The following MMP28 variants were observed in gnomAD, a reference collection of about 807,000 sequenced individuals.
The protein encoded by MMP28 is matrix metallopeptidase 28.
A neutral mutation model predicts 60.5 loss-of-function variants in MMP28; 55 were observed. That is an observed-to-expected ratio of 0.91 (90% CI 0.73 to 1.14). MMP28 has a LOEUF of 1.14. Ranked by LOEUF, MMP28 falls within the 50% of genes most tolerant of loss-of-function variation. The pLI is 0.00. For synonymous variants in MMP28, 318 were observed against 312.5 expected (o/e 1.02, Z -0.18); for missense variants, 686 against 738.3 (o/e 0.93, Z 0.82).
At chr17:35,770,847 C>A (rs1044079062) in intron 4 of MMP28, among the ~76,000 whole-genome samples, 3 of 151,294 alleles carry the variant, frequency 2.0e-5, no homozygotes, top group Non-Finnish European at 4.4e-5. Context: ...CCCAGGAGTT[C>A]GAGACCAGCC....
chr17:35,778,915 T>C lies in MMP28; in HGVS notation c.352A>G (p.Arg118Gly), dbSNP rs762050128. The C allele has an allele frequency of 6.2e-6, 10 of 1,614,064 alleles. No homozygotes were observed. Among genetic ancestry groups the C allele is most frequent in the Non-Finnish European group, 8.5e-6 (10 of 1,179,902 alleles). Reference sequence around the variant, plus strand: ...TGCTTTGCAAAGCGTTTCTTACGCCTCATTTTGGTCCGGTGTCTAGCAAAC... The same window carrying C: ...TGCTTTGCAAAGCGTTTCTTACGCCCCATTTTGGTCCGGTGTCTAGCAAAC... ...DLFARHRTKM[R>G]RKKRFAKQGN... The change falls in exon 3 of 8, where the codon AGG becomes GGG. Residue 118 changes from arginine (R) to glycine (G), a missense_variant. Coordinates refer to ENST00000605424, the MANE Select transcript of MMP28 (RefSeq NM_024302.5).
At chr17:35,792,307 C>T (rs77663515) in intron 1 of MMP28, among the ~76,000 whole-genome samples, 3,250 of 152,180 alleles carry the variant, frequency 0.021, 67 homozygotes, top group East Asian at 0.11. Flanking sequence ...CTCTTCTCCC[C>T]GCTCCCAACA....
chr17:35,773,053 T>C, intron 4 of MMP28, 127 bp downstream of exon 4: 1 of 755,348 alleles, frequency 1.3e-6, no homozygotes, highest in East Asian at 2.7e-5. Flanking sequence ...AGACTGAGGG[T>C]TCTCTGCAGG....
intron 1 of MMP28, among the ~76,000 whole-genome samples, chr17:35,788,066 T>C (rs1362452174): frequency 6.6e-6 from 1 of 151,862 alleles, no homozygotes; most frequent in Non-Finnish European, 1.5e-5. Context: ...CCATCGTGCC[T>C]GGCTAATTTT....
intron 4 of MMP28, among the ~76,000 whole-genome samples, chr17:35,772,148 C>G (rs1243739134): frequency 3.9e-5 from 6 of 152,110 alleles, no homozygotes; most frequent in Non-Finnish European, 7.3e-5. Context: ...GAATATGTCT[C>G]CAGCTGTTTC....
rs1555604891 is a variant in MMP28, at chr17:35,770,136, A to G, written c.781T>C (p.Tyr261His). The G allele has an allele frequency of 4.4e-6, 7 of 1,607,564 alleles. No individual in the cohort carries two copies. Among genetic ancestry groups the G allele is most frequent in the Non-Finnish European group, 5.1e-6 (6 of 1,177,786 alleles). The part of the protein sequence containing the change: ...SPAPRALMAP[Y>H]YKRLGRDALL... ...GCGTCGCGGCCCAGCCTCTTGTAGT[A>G]GGGCGCCATGAGCGCGCGCGGCGCG... Residue 261 changes from tyrosine (Y) to histidine (H), a missense_variant, in exon 5 of 8, where the codon TAC becomes CAC. Transcript: ENST00000605424.
At chr17:35,763,634 C>G (rs1555601957), downstream of MMP28, among the ~76,000 whole-genome samples, 2 of 151,678 alleles carry the variant, frequency 1.3e-5, no homozygotes, top group Admixed American at 6.6e-5. Context: ...CAGTGACTCA[C>G]GCCTGTAATC....
In MMP28 at chr17:35,770,185, GTGACCGATCTCGTGCGCCAGCAC is replaced by G; in HGVS notation, c.709_731del (p.Val237HisfsTer58). 6.2e-7 allele frequency: 1 copy of G among 1,605,902 alleles called. No homozygotes were observed. Among genetic ancestry groups the G allele is most frequent in the Non-Finnish European group, 8.5e-7 (1 of 1,178,396 alleles). ...CGGGCGAGTGGGTGAGGCCAAGCGT[GTGACCGATCTCGTGCGCCAGCAC>G]CACGAACAGGTTGCGCCCGCGGCGG... is the stretch of plus-strand genomic sequence containing the variant. On this transcript the variant is annotated frameshift_variant, in exon 5 of 8. Coordinates refer to ENST00000605424, the MANE Select transcript of MMP28 (RefSeq NM_024302.5). LOFTEE classifies it high-confidence loss of function.
chr17:35,759,625 C>T (rs1052077431), intron 2 of MMP28, among the ~76,000 whole-genome samples: 6 of 152,178 alleles, frequency 3.9e-5, no homozygotes, highest in East Asian at 1.9e-4. Flanking sequence ...TGCTTGAACC[C>T]GGGAGGCAGA....
In MMP28 at chr17:35,766,115, A is replaced by C; in HGVS notation, c.*385T>G. 1 of 1,012,864 alleles carries C rather than the reference A, an allele frequency of 9.9e-7. No individual in the cohort carries two copies. 62.7% of individuals were successfully genotyped at this position (1,012,864 alleles called of 1,614,324 possible). A position where few individuals can be genotyped will look rare whatever the true frequency, so the allele number is the denominator to read the frequency against. On this transcript the variant is annotated 3_prime_UTR_variant, in exon 8 of 8. Transcript: ENST00000605424. This position sits in a 1 kb window ranked among gnomAD's most constrained non-coding sequence, Gnocchi z 4.3. The stretch of plus-strand genomic sequence containing the variant: ...CCTGAGGAGAAGGGCACAGTCTTGC[A>C]AAATGGTCTCGAATTTCTCTGCTGA...
At chr17:35,763,976 A>T (rs2143109056), downstream of MMP28, 1 of 1,462,998 alleles carries the variant, frequency 6.8e-7, no homozygotes, top group Non-Finnish European at 9.1e-7. Context: ...CGGGGACAGC[A>T]GGACTGCCCT....
downstream of MMP28, among the ~76,000 whole-genome samples, chr17:35,762,437 G>A (rs78474170): frequency 0.033 from 5,028 of 152,240 alleles, 292 homozygotes; most frequent in African/African-American, 0.11. Flanking sequence ...AATGGGCGGC[G>A]GACACCTTCT....
At position 35,766,009 on chromosome 17, in the gene MMP28, C is replaced by A. The variant is rs1598413055; in HGVS notation, c.*491G>T. ...GCCTCTGAGGTTGGAGACGCCTGTG[C>A]CTTCATCCCCATCCATGCTTCCTGG... is the stretch of plus-strand genomic sequence containing the variant. On this transcript the variant is annotated 3_prime_UTR_variant, in exon 8 of 8. Transcript: ENST00000605424. The surrounding 1 kb of genome is among the most constrained non-coding windows in gnomAD (Gnocchi z 4.3). 2.0e-6 allele frequency: 2 copies of A among 985,294 alleles called. No individual in the cohort carries two copies. The highest frequency in any genetic ancestry group is 1.2e-4 in the Admixed American group (2 of 16,262). 61.0% of individuals were successfully genotyped at this position (985,294 alleles called of 1,614,324 possible). A position where few individuals can be genotyped will look rare whatever the true frequency, so the allele number is the denominator to read the frequency against.
intron 3 of MMP28, among the ~76,000 whole-genome samples, chr17:35,773,725 C>T (rs555257273): frequency 6.6e-6 from 1 of 152,336 alleles, no homozygotes; most frequent in South Asian, 2.1e-4. Context: ...CTGTCTGAAC[C>T]CTTGGTCTAG....
At chr17:35,777,119 C>T (rs1555607825) in intron 3 of MMP28, among the ~76,000 whole-genome samples, 3 of 152,200 alleles carry the variant, frequency 2.0e-5, no homozygotes, top group African/African-American at 7.2e-5. Context: ...CTCTCCTTTG[C>T]AACCTGGAAG....
intron 1 of MMP28, among the ~76,000 whole-genome samples, chr17:35,787,483 TG>T (rs1258374772): frequency 1.3e-5 from 2 of 151,518 alleles, no homozygotes; most frequent in Non-Finnish European, 3.0e-5. Flanking sequence ...TTCAGTTTTT[TG>T]TTTGTTTGTT....
chr17:35,772,110 G>A (rs1043020671), intron 4 of MMP28, among the ~76,000 whole-genome samples: 62 of 152,228 alleles, frequency 4.1e-4, no homozygotes, highest in African/African-American at 1.4e-3. Context: ...AAAGTCAGCC[G>A]CATGTAGGAG....
downstream of MMP28, among the ~76,000 whole-genome samples, chr17:35,762,945 A>G (rs1442913864): frequency 6.6e-6 from 1 of 152,042 alleles, no homozygotes; most frequent in African/African-American, 2.4e-5. Context: ...ACATGGTGAA[A>G]CCTGGTCTCT....
intron 4 of MMP28, among the ~76,000 whole-genome samples, chr17:35,771,738 TATATATATATATATATAA>T (rs1238159276): frequency 2.5e-4 from 25 of 100,808 alleles, no homozygotes; most frequent in Admixed American, 3.1e-4. Context: ...TATATATATA[TATATATATATATATATAA>T]AATTGTGTTC....
Sources: gnomAD v4.1 joint callset for allele counts (sites outside exome capture counted in the v4.1 genomes callset) on GRCh38, gnomAD v4.1.1 for gene constraint, Gnocchi (gnomAD v3.1) non-coding constraint, MANE v1.5 for transcripts, NCBI Gene and HGNC (gene_info 2026-07-23, HGNC 2026-07-21) for gene names.